The following EIF5 variants were observed in gnomAD, a reference collection of about 807,000 sequenced individuals.
The protein encoded by EIF5 is eukaryotic translation initiation factor 5.
Under a neutral mutation model 48.3 loss-of-function variants are expected in EIF5, and 10 were observed. The observed-to-expected ratio is 0.21, with a 90% CI of 0.13 to 0.35. The LOEUF is 0.35. Among genes scored for constraint, EIF5 ranks in the 10% least tolerant of loss-of-function variants. The probability of loss-of-function intolerance (pLI) is 1.00; values close to 1 mark genes in which losing one functional copy is unlikely to be tolerated. For missense variants in EIF5, 397 were observed against 533.2 expected, an observed-to-expected ratio of 0.74 and a Z score of 2.51; for synonymous variants, 237 against 173.1, an observed-to-expected ratio of 1.37 and a Z score of -2.90.
intron 11 of EIF5, 30 bp from the exon 12 acceptor site, chr14:103,340,933 T>A (rs145747784): frequency 1.9e-6 from 3 of 1,597,748 alleles, no homozygotes; most frequent in Non-Finnish European, 2.6e-6. Context: ...TTTATCAGCT[T>A]ATGTTGAATA....
In EIF5 at chr14:103,338,586, T is replaced by G. The variant is rs531804532; in HGVS notation, c.585+114T>G. On this transcript the variant is annotated intron_variant, in intron 7 of 11. Coordinates refer to ENST00000216554, the MANE Select transcript of EIF5 (RefSeq NM_001969.5). ...CCTTCAGTGTGTAATACACTAATAT[T>G]GTGGATTCCAAGTACTGTTTGTTGT... The G allele has an allele frequency of 8.1e-6, 12 of 1,489,402 alleles. No homozygotes were observed. The Admixed American group carries it at 2.0e-4, about 25-fold the overall frequency. The allele number at this position is 1,489,402 out of a possible 1,614,324, so 92.3% of individuals were successfully genotyped here. A position where few individuals can be genotyped will look rare whatever the true frequency, so the allele number is the denominator to read the frequency against.
At chr14:103,336,950 T>G (rs550192238) in intron 5 of EIF5, 101 bp downstream of exon 5, 1 of 1,450,634 alleles carries the variant, frequency 6.9e-7, no homozygotes, top group East Asian at 2.3e-5. Context: ...TAATTTTAAA[T>G]CAAACACAAA....
rs2089383931 is a variant in EIF5 at position 103,344,015 on chromosome 14, C to T, written c.*2963C>T. 6.6e-6 allele frequency: 1 copy of T among 152,198 alleles called. No homozygotes were observed. Among genetic ancestry groups the T allele is most frequent in the South Asian group, 2.1e-4 (1 of 4,832 alleles). 9.4% of individuals were successfully genotyped at this position (152,198 alleles called of 1,614,324 possible). On this transcript the variant is annotated 3_prime_UTR_variant, in exon 12 of 12. Transcript: ENST00000216554. ...CTGACTACTACAAAGCCAGAGCAGT[C>T]TTAGTACCAGAAACAGTGTTGCACT... is the stretch of plus-strand genomic sequence containing the variant.
At chr14:103,334,325 T>A (rs978269439) in intron 1 of EIF5, 64 bp from the exon 2 acceptor site, 4 of 152,212 alleles carry the variant, frequency 2.6e-5, no homozygotes, top group African/African-American at 9.7e-5. Flanking sequence ...CTCGGGCCGC[T>A]GGCTGGCGGG....
Position 103,338,928 on chromosome 14 carries a change from A to C in EIF5, c.744+35A>C, listed in dbSNP as rs370211286. The C allele has an allele frequency of 4.7e-5, 75 of 1,603,924 alleles. 1 individual carries two copies. In the African/African-American group the frequency reaches 7.8e-4, roughly 17 times the overall value. On this transcript the variant is annotated intron_variant, in intron 8 of 11. Coordinates refer to ENST00000216554, the MANE Select transcript of EIF5 (RefSeq NM_001969.5). The stretch of plus-strand genomic sequence containing the variant: ...TTGCTTGGTCTGTAAATCAGCTTCA[A>C]CCCAGCCTTGTTTGTGCCTTTAGAT...
intron 6 of EIF5, 105 bp downstream of exon 6, chr14:103,337,332 C>T (rs1404932639): frequency 2.5e-5 from 24 of 961,824 alleles, no homozygotes; most frequent in South Asian, 5.1e-5. Flanking sequence ...AGACTGGGCA[C>T]GGTGGCTCAT....
rs1396218979 is a variant in EIF5 at position 103,335,705 on chromosome 14, A to G, written c.-156A>G. On this transcript the variant is annotated 5_prime_UTR_variant, in exon 3 of 12. Coordinates refer to ENST00000216554, the MANE Select transcript of EIF5 (RefSeq NM_001969.5). Reference sequence around the variant, plus strand: ...ATTGGGGAAACATAGCATACAAGCAAGAAGCTTACAGCCTCAGTGGCGAAA... The same window carrying G: ...ATTGGGGAAACATAGCATACAAGCAGGAAGCTTACAGCCTCAGTGGCGAAA... 8.7e-6 allele frequency: 6 copies of G among 688,974 alleles called. No homozygotes were observed. The highest frequency in any genetic ancestry group is 7.2e-5 in the African/African-American group (4 of 55,332). 42.7% of individuals were successfully genotyped at this position (688,974 alleles called of 1,614,324 possible). A position where few individuals can be genotyped will look rare whatever the true frequency, so the allele number is the denominator to read the frequency against.
intron 4 of EIF5, 57 bp from the exon 5 acceptor site, chr14:103,336,620 G>A (rs2089290159): frequency 1.3e-6 from 2 of 1,484,410 alleles, no homozygotes; most frequent in Non-Finnish European, 9.1e-7. Context: ...AAATGTGAGT[G>A]AGTAGCCAGA....
chr14:103,339,626 T>G lies in EIF5; in HGVS notation c.907-13T>G. The G allele has an allele frequency of 6.2e-7, 1 of 1,614,026 alleles. No homozygotes were observed. The highest frequency in any genetic ancestry group is 8.5e-7 in the Non-Finnish European group (1 of 1,179,986). On this transcript the variant is annotated splice_polypyrimidine_tract_variant and intron_variant, in intron 9 of 11. Coordinates refer to ENST00000216554, the MANE Select transcript of EIF5 (RefSeq NM_001969.5). ...ATAAAAAAGATTGTTAACACCAAGG[T>G]GTCTATTTGCAGTTTTGTCACAACA...
In EIF5 at chr14:103,337,941, C is replaced by T. The variant is rs780576519; in HGVS notation, c.440-386C>T. ...CTAACCTATTCCGGTGTTCTCTCTC[C>T]CATGAGACAAGCCGTTATATAGACT... On this transcript the variant is annotated intron_variant, in intron 6 of 11. Coordinates refer to ENST00000216554, the MANE Select transcript of EIF5 (RefSeq NM_001969.5). 4 of 529,832 alleles carry T rather than the reference C, an allele frequency of 7.5e-6. No homozygotes were observed. In the Admixed American group the frequency reaches 7.7e-5, roughly 10 times the overall value. 32.8% of individuals were successfully genotyped at this position (529,832 alleles called of 1,614,324 possible). A position where few individuals can be genotyped will look rare whatever the true frequency, so the allele number is the denominator to read the frequency against.
Position 103,335,837 on chromosome 14 carries a change from T to C in EIF5, c.-24T>C. On this transcript the variant is annotated 5_prime_UTR_variant, in exon 3 of 12. It removes the in-frame stop codon of an upstream open reading frame in the 5' UTR. Transcript: ENST00000216554. ...GCAATCAAAGATCTCTTCATCTTAT[T>C]GATAAAGCCACTAATAAGCCAAAAT... 6.2e-7 allele frequency: 1 copy of C among 1,613,666 alleles called. No individual in the cohort carries two copies. Among genetic ancestry groups the C allele is most frequent in the Non-Finnish European group, 8.5e-7 (1 of 1,179,594 alleles).
intron 8 of EIF5, 117 bp downstream of exon 8, chr14:103,339,010 CTT>C (rs2089322107): frequency 6.7e-7 from 1 of 1,487,094 alleles, no homozygotes; most frequent in Non-Finnish European, 9.0e-7. Context: ...TTTTAGAACT[CTT>C]GTTCATTTAA....
At chr14:103,336,214 T>G (rs1049272224) in intron 4 of EIF5, 97 bp downstream of exon 4, 8 of 1,212,200 alleles carry the variant, frequency 6.6e-6, no homozygotes, top group African/African-American at 1.5e-5. Context: ...GCTAGCTAAT[T>G]ACCTTACAAG....
chr14:103,340,587 G>T, intron 11 of EIF5, 26 bp downstream of exon 11: 1 of 1,601,576 alleles, frequency 6.2e-7, no homozygotes, highest in Non-Finnish European at 8.6e-7. Flanking sequence ...GGAGGGTATT[G>T]GATACAGTGC....
chr14:103,340,588 GA>G, intron 11 of EIF5, 27 bp downstream of exon 11: 1 of 1,600,382 alleles, frequency 6.2e-7, no homozygotes, highest in Non-Finnish European at 8.6e-7. Context: ...GAGGGTATTG[GA>G]TACAGTGCTG....
intron 5 of EIF5, 36 bp from the exon 6 acceptor site, chr14:103,337,080 T>TTA: frequency 6.4e-7 from 1 of 1,572,140 alleles, no homozygotes; most frequent in Non-Finnish European, 8.7e-7. Flanking sequence ...TATTTTCATG[T>TTA]TATATTATGG....
In EIF5 at chr14:103,344,804, CAAATGAAAGTAAATGGAA is replaced by C; in HGVS notation, c.*3753_*3770del. On this transcript the variant is annotated 3_prime_UTR_variant, in exon 12 of 12. Transcript: ENST00000216554. Reference sequence around the variant, plus strand: ...TATTAAGTTAACATTTTTAAAAATCCAAATGAAAGTAAATGGAATAAATGTATCAGGTAAAGGACAAGT... The same window carrying C: ...TATTAAGTTAACATTTTTAAAAATCCTAAATGTATCAGGTAAAGGACAAGT... 6.6e-6 allele frequency: 1 copy of C among 152,112 alleles called. No individual in the cohort carries two copies. The highest frequency in any genetic ancestry group is 2.1e-4 in the South Asian group (1 of 4,814). 9.4% of individuals were successfully genotyped at this position (152,112 alleles called of 1,614,324 possible).
intron 2 of EIF5, chr14:103,334,810 C>A (rs1428858410): frequency 6.6e-6 from 1 of 151,196 alleles, no homozygotes; most frequent in Non-Finnish European, 1.5e-5. Context: ...GCCGCTCGGG[C>A]TGACTCAGGC....
chr14:103,336,599 G>A (rs975767416), intron 4 of EIF5, 78 bp from the exon 5 acceptor site: 10 of 1,394,866 alleles, frequency 7.2e-6, no homozygotes, highest in South Asian at 4.5e-5. Flanking sequence ...AAAAAAAAGT[G>A]GTGTTCGTAC....
Sources: allele counts gnomAD v4.1 joint callset, GRCh38; gene constraint gnomAD v4.1.1; transcripts MANE v1.5; gene names NCBI Gene and HGNC (gene_info 2026-07-23, HGNC 2026-07-21).